The following INSL6 variants were observed in gnomAD, a reference collection of about 807,000 sequenced individuals.
The protein encoded by INSL6 is insulin-like peptide INSL6.
Under a neutral mutation model 9.4 loss-of-function variants are expected in INSL6, and 16 were observed. The ratio of observed to expected loss-of-function variants is 1.70; its 90% CI spans 1.15 to 2.59. The LOEUF (loss-of-function observed/expected upper bound fraction) is 2.59. INSL6 is among the 30% of genes most tolerant of loss of function. The pLI is 0.00. For missense variants in INSL6, 391 were observed against 257.3 expected (o/e 1.52, Z -3.56); for synonymous variants, 154 against 96.9 (o/e 1.59, Z -3.46).
the INSL6 span, chr9:5,091,025 C>A: frequency 5.1e-6 from 4 of 783,620 alleles, no homozygotes; most frequent in African/African-American, 1.8e-5. Context: ...ACATTTAAGT[C>A]TTTTAAGTCT....
chr9:5,154,296 T>C (rs1388713669), intron 2 of INSL6, among the ~76,000 whole-genome samples: 3 of 152,224 alleles, frequency 2.0e-5, no homozygotes, highest in African/African-American at 7.2e-5. Context: ...CTGTATCCCT[T>C]CCTTACACCT....
chr9:5,119,981 C>A (rs760541702), downstream of INSL6, among the ~76,000 whole-genome samples: 4 of 152,038 alleles, frequency 2.6e-5, no homozygotes, highest in Non-Finnish European at 5.9e-5. Context: ...ATAATAAACA[C>A]TGTCTTAGTC....
At chr9:5,034,533 ACTGT>A in the INSL6 span, among the ~76,000 whole-genome samples, 1 of 152,022 alleles carries the variant, frequency 6.6e-6, no homozygotes, top group Non-Finnish European at 1.5e-5. Context: ...ATTATAACAA[ACTGT>A]CTCTCAGACC....
At chr9:5,176,096 C>T (rs1825303086) in intron 1 of INSL6, among the ~76,000 whole-genome samples, 1 of 152,148 alleles carries the variant, frequency 6.6e-6, no homozygotes. Context: ...ACCTTATCTT[C>T]TACTACTTTC....
the INSL6 span, chr9:5,113,762 C>T: frequency 6.0e-6 from 1 of 166,306 alleles, no homozygotes; most frequent in South Asian, 1.6e-4. Context: ...CACCAGCCAG[C>T]TGACTGCCTC....
chr9:5,013,597 T>A, the INSL6 span, among the ~76,000 whole-genome samples: 1 of 152,196 alleles, frequency 6.6e-6, no homozygotes, highest in Non-Finnish European at 1.5e-5. Context: ...ACATTCCTCT[T>A]TCCATGTTTT....
the INSL6 span, chr9:5,089,537 CAAAAAAAAAAAAAA>C: frequency 4.1e-3 from 357 of 87,086 alleles, 13 homozygotes; most frequent in East Asian, 0.084. Flanking sequence ...GACTTCGTCT[CAAAAAAAAAAAAAA>C]AAAAAAAAAA....
the INSL6 span, among the ~76,000 whole-genome samples, chr9:5,102,991 G>A: frequency 3.5e-4 from 53 of 151,802 alleles, no homozygotes; most frequent in African/African-American, 9.9e-4. Context: ...ATCAACTAAC[G>A]GGCAAAATAA....
intron 1 of INSL6, among the ~76,000 whole-genome samples, 195 bp from the exon 2 acceptor site, chr9:5,164,460 C>A (rs927135445): frequency 7.9e-5 from 12 of 152,186 alleles, no homozygotes; most frequent in Non-Finnish European, 4.4e-5. Flanking sequence ...AAAGGCTGTA[C>A]GCCTTTGTAC....
At chr9:4,996,985 T>G in the INSL6 span, among the ~76,000 whole-genome samples, 1 of 146,642 alleles carries the variant, frequency 6.8e-6, no homozygotes, top group South Asian at 2.2e-4. Flanking sequence ...TGGAGGACAG[T>G]GGCTCGATCA....
chr9:5,034,524 T>C, the INSL6 span, among the ~76,000 whole-genome samples: 2 of 150,580 alleles, frequency 1.3e-5, no homozygotes, highest in African/African-American at 2.5e-5. Context: ...AGAACAGAAA[T>C]TATAACAAAC....
At chr9:5,041,762 C>G in the INSL6 span, 1 of 489,204 alleles carries the variant, frequency 2.0e-6, no homozygotes. Flanking sequence ...GTGTCCACAC[C>G]GACCTGCCCT....
the INSL6 span, among the ~76,000 whole-genome samples, chr9:4,996,362 C>T: frequency 1.3e-5 from 2 of 152,020 alleles, no homozygotes; most frequent in Non-Finnish European, 2.9e-5. Flanking sequence ...ACAGGAGAAT[C>T]GCTTGTACCT....
chr9:5,142,753 G>A (rs920362339), intron 2 of INSL6, among the ~76,000 whole-genome samples: 1 of 152,202 alleles, frequency 6.6e-6, no homozygotes, highest in Non-Finnish European at 1.5e-5. Flanking sequence ...GGAGTGGGGA[G>A]AGAGGGCATC....
intron 2 of INSL6, among the ~76,000 whole-genome samples, chr9:5,135,752 A>C (rs1468422486): frequency 6.6e-6 from 1 of 152,216 alleles, no homozygotes; most frequent in East Asian, 1.9e-4. Flanking sequence ...AGCTAGCAGA[A>C]GATGAGAAAT....
At chr9:5,020,783 G>C in the INSL6 span, among the ~76,000 whole-genome samples, 1 of 152,278 alleles carries the variant, frequency 6.6e-6, no homozygotes, top group Non-Finnish European at 1.5e-5. Context: ...TGGTCCCAGA[G>C]GCGGCAGCCA....
At chr9:5,168,075 C>A (rs1564051599) in intron 1 of INSL6, among the ~76,000 whole-genome samples, 1 of 152,150 alleles carries the variant, frequency 6.6e-6, no homozygotes, top group Non-Finnish European at 1.5e-5. Context: ...ATCCAAAGGT[C>A]ATTGGCCTCA....
chr9:5,038,470 A>G, the INSL6 span, among the ~76,000 whole-genome samples: 1 of 152,204 alleles, frequency 6.6e-6, no homozygotes, highest in African/African-American at 2.4e-5. Flanking sequence ...TGTCTAGAAG[A>G]AAAGAAAACT....
In INSL6 at chr9:5,170,556, CT is replaced by C. The variant is rs202135593; in HGVS notation, c.290-6292del. Among the ~76,000 whole-genome samples the C allele has an allele frequency of 7.9e-3, 1,093 of 138,174 alleles. 4 individuals carry two copies. Among genetic ancestry groups the C allele is most frequent in the African/African-American group, 0.02 (763 of 37,922 alleles). The allele number at this position is 138,174 out of a possible 152,430, so 90.6% of individuals were successfully genotyped here. ...TTCAAACAATCAATGAATCCAGGGG[CT>C]TTTTTTTTTTTTGGAAAAACTAATA... is the stretch of plus-strand genomic sequence containing the variant. On this transcript the variant is annotated intron_variant, in intron 1 of 1. Transcript: ENST00000381641.
Sources: gnomAD v4.1 joint callset for allele counts (sites outside exome capture counted in the v4.1 genomes callset) on GRCh38, gnomAD v4.1.1 for gene constraint, MANE v1.5 for transcripts, NCBI Gene and HGNC (gene_info 2026-07-23, HGNC 2026-07-21) for gene names.